MMD2: variants seen among roughly 807,000 people sequenced by gnomAD.
The protein encoded by MMD2 is monocyte to macrophage differentiation factor 2.
A neutral mutation model predicts 33.5 loss-of-function variants in MMD2; 30 were observed. The observed-to-expected ratio is 0.90, with a 90% CI of 0.67 to 1.22. The LOEUF is 1.22. Ranked by LOEUF, MMD2 falls within the 50% of genes most tolerant of loss-of-function variation. MMD2 has a pLI of 0.00. For synonymous variants in MMD2, 129 were observed against 123.0 expected (o/e 1.05, Z -0.32); for missense variants, 364 against 325.4 (o/e 1.12, Z -0.91).
chr7:4,946,663 G>A lies in MMD2; in HGVS notation c.47+12308C>T, dbSNP rs192087232. Among the ~76,000 whole-genome samples the A allele has an allele frequency of 2.6e-5, 4 of 152,256 alleles. No homozygotes were observed. The highest frequency in any genetic ancestry group is 5.9e-5 in the Non-Finnish European group (4 of 68,022). The stretch of plus-strand genomic sequence containing the variant: ...CTCATGGATCAACCTAGCACCACGG[G>A]TGGCAGGTCTACCAGATATCTCCCA... On this transcript the variant is annotated intron_variant, in intron 1 of 6. Transcript: ENST00000401401. This position sits in a 1 kb window ranked among gnomAD's most constrained non-coding sequence, Gnocchi z 5.0.
intron 1 of MMD2, among the ~76,000 whole-genome samples, chr7:4,945,670 G>T (rs979457831): frequency 1.3e-5 from 2 of 152,074 alleles, no homozygotes. Context: ...TGCCTCCAGG[G>T]TTCAAACGAT....
chr7:4,899,887 C>A, the MMD2 span, among the ~76,000 whole-genome samples: 3 of 152,180 alleles, frequency 2.0e-5, no homozygotes, highest in African/African-American at 7.2e-5. Context: ...ATGTAGCACC[C>A]TCCTCTTTTA....
At chr7:4,910,559 C>T (rs1784979221) in intron 5 of MMD2, among the ~76,000 whole-genome samples, 2 of 152,140 alleles carry the variant, frequency 1.3e-5, no homozygotes, top group East Asian at 1.9e-4. Flanking sequence ...TTAGGTAGGG[C>T]AGGTGGCATG....
At chr7:4,921,976 G>C (rs1180769909) in intron 2 of MMD2, among the ~76,000 whole-genome samples, 1 of 152,124 alleles carries the variant, frequency 6.6e-6, no homozygotes, top group Non-Finnish European at 1.5e-5. Flanking sequence ...TGTAATCCCA[G>C]CGCTTTGGGA....
intron 6 of MMD2, among the ~76,000 whole-genome samples, 169 bp from the exon 7 acceptor site, chr7:4,907,768 A>C (rs35540208): frequency 0.2 from 30,454 of 152,094 alleles, 3,356 homozygotes; most frequent in Admixed American, 0.3. Context: ...TCCCCAGACT[A>C]GTTCTCAGAT....
chr7:4,910,040 A>G (rs766124781), intron 5 of MMD2, 90 bp from the exon 6 acceptor site: 2 of 1,613,360 alleles, frequency 1.2e-6, no homozygotes, highest in Non-Finnish European at 1.7e-6. Context: ...AAGAGGGAAC[A>G]CTCTGGCCAG....
intron 1 of MMD2, among the ~76,000 whole-genome samples, chr7:4,953,162 C>G (rs1292965556): frequency 6.6e-6 from 1 of 151,806 alleles, no homozygotes; most frequent in East Asian, 1.9e-4. Flanking sequence ...CTACAGTTCC[C>G]CATCTCACCT....
rs577472822 is a variant in MMD2 at position 4,924,403 on chromosome 7, C to G, written c.129+1048G>C. Among the ~76,000 whole-genome samples, 5 of 152,360 alleles carry G rather than the reference C, an allele frequency of 3.3e-5. No homozygotes were observed. In the South Asian group the frequency reaches 8.3e-4, roughly 25 times the overall value. The stretch of plus-strand genomic sequence containing the variant: ...TTGAGAATTAATTCACCTCCACACA[C>G]GCTATCTGGGCACTTCCCTGTGCCA... On this transcript the variant is annotated intron_variant, in intron 2 of 6. Coordinates refer to ENST00000401401, the MANE Select transcript of MMD2 (RefSeq NM_198403.4).
At chr7:4,894,536 T>C in the MMD2 span, among the ~76,000 whole-genome samples, 1 of 152,114 alleles carries the variant, frequency 6.6e-6, no homozygotes, top group South Asian at 2.1e-4. The surrounding 1 kb of genome is among the most constrained non-coding windows in gnomAD (Gnocchi z 4.3). Flanking sequence ...CAGTCCAATA[T>C]TCCCCCATCC....
At chr7:4,936,273 T>G (rs759115204) in intron 1 of MMD2, among the ~76,000 whole-genome samples, 1 of 150,822 alleles carries the variant, frequency 6.6e-6, no homozygotes, top group African/African-American at 2.4e-5. Context: ...AAAAATCAAG[T>G]AATAAAATTA....
chr7:4,917,520 G>C (rs557808069), intron 3 of MMD2, among the ~76,000 whole-genome samples: 1 of 151,816 alleles, frequency 6.6e-6, no homozygotes, highest in Admixed American at 6.6e-5. Context: ...AACATTCCCC[G>C]TCTCTACTAA....
chr7:4,903,130 C>T (rs769065837), downstream of MMD2, among the ~76,000 whole-genome samples: 37 of 152,064 alleles, frequency 2.4e-4, no homozygotes, highest in Non-Finnish European at 4.6e-4. Context: ...CCCAGCTACT[C>T]GAGAGGCTGA....
rs1292121931 is a variant in MMD2 at position 4,959,041 on chromosome 7, G to GC, written c.-25dup. The GC allele has an allele frequency of 5.6e-6, 7 of 1,256,090 alleles. No homozygotes were observed. Among genetic ancestry groups the GC allele is most frequent in the Non-Finnish European group, 6.0e-6 (6 of 992,280 alleles). 77.8% of individuals were successfully genotyped at this position (1,256,090 alleles called of 1,614,324 possible). A position where few individuals can be genotyped will look rare whatever the true frequency, so the allele number is the denominator to read the frequency against. On this transcript the variant is annotated 5_prime_UTR_variant, in exon 1 of 7. Coordinates refer to ENST00000401401, the MANE Select transcript of MMD2 (RefSeq NM_198403.4). ...ATCGCGGCGCTTCCATGGGAATCTG[G>GC]CCCCGGGCTCAGAGCGCGGGTAGCT...
At chr7:4,895,364 C>T in the MMD2 span, among the ~76,000 whole-genome samples, 34,347 of 152,060 alleles carry the variant, frequency 0.23, 4,880 homozygotes, top group East Asian at 0.54. Flanking sequence ...GCCCGAGCCA[C>T]GGAGCCCAGC....
chr7:4,945,185 T>TTCTTCTCCTTCTTCTTCTTC (rs1554273338), intron 1 of MMD2, among the ~76,000 whole-genome samples: 1 of 93,480 alleles, frequency 1.1e-5, no homozygotes, highest in African/African-American at 4.0e-5. Context: ...CCTCTTCCTC[T>TTCTTCTCCTTCTTCTTCTTC]TTCTTCTTCT....
chr7:4,903,473 C>T (rs1483061140), downstream of MMD2, among the ~76,000 whole-genome samples: 2 of 152,142 alleles, frequency 1.3e-5, no homozygotes, highest in Non-Finnish European at 2.9e-5. Context: ...CTCAACGCCA[C>T]TCACACCACA....
chr7:4,907,378 T>G lies in MMD2; in HGVS notation c.*18A>C. 1 of 1,613,024 alleles carries G rather than the reference T, an allele frequency of 6.2e-7. No individual in the cohort carries two copies. The highest frequency in any genetic ancestry group is 1.3e-5 in the African/African-American group (1 of 75,022). On this transcript the variant is annotated 3_prime_UTR_variant, in exon 7 of 7. Coordinates refer to ENST00000401401, the MANE Select transcript of MMD2 (RefSeq NM_198403.4). ...CTCCACTCCTAAAGCCCAAACGACC[T>G]CTCAAGTCTGGGTCACCTCATTTGG...
chr7:4,922,847 G>A (rs1054282204), intron 2 of MMD2, among the ~76,000 whole-genome samples: 1 of 152,132 alleles, frequency 6.6e-6, no homozygotes, highest in Non-Finnish European at 1.5e-5. Flanking sequence ...CATGTCCTCA[G>A]GAATGAAATG....
At position 4,958,973 on chromosome 7, in the gene MMD2, C is replaced by T. The variant is rs1023345500; in HGVS notation, c.45G>A (p.Ala15=). ...RLLDFQKTKY[A]RFMNHRVPAH... ...GGACCTCCGCGGCCGCCGCTCACCT[C>T]GCGTATTTCGTCTTCTGGAAATCCA... is the stretch of plus-strand genomic sequence containing the variant. The change falls in exon 1 of 7, where the codon GCG becomes GCA. Residue 15 remains alanine (A), a splice_region_variant and synonymous_variant. Coordinates refer to ENST00000401401, the MANE Select transcript of MMD2 (RefSeq NM_198403.4). The T allele has an allele frequency of 7.9e-5, 102 of 1,287,372 alleles. No homozygotes were observed. Among genetic ancestry groups the T allele is most frequent in the Non-Finnish European group, 9.7e-5 (98 of 1,011,012 alleles). 79.7% of individuals were successfully genotyped at this position (1,287,372 alleles called of 1,614,324 possible).
Sources: gnomAD v4.1 joint callset for allele counts (sites outside exome capture counted in the v4.1 genomes callset) on GRCh38, gnomAD v4.1.1 for gene constraint, Gnocchi (gnomAD v3.1) non-coding constraint, MANE v1.5 for transcripts, NCBI Gene and HGNC (gene_info 2026-07-23, HGNC 2026-07-21) for gene names.